METAP2: variants seen among roughly 807,000 people sequenced by gnomAD.
The protein encoded by METAP2 is methionyl aminopeptidase 2.
In METAP2, 25 loss-of-function variants were observed where a neutral mutation model predicts 59.4. The ratio of observed to expected loss-of-function variants is 0.42; its 90% CI spans 0.31 to 0.59. METAP2 has a LOEUF of 0.59. Ranked by LOEUF, METAP2 falls within the 20% of genes least tolerant of loss-of-function variation. The pLI is 0.16. For missense variants in METAP2, 366 were observed against 581.2 expected (o/e 0.63, Z 3.81); for synonymous variants, 214 against 194.1 (o/e 1.10, Z -0.85).
chr12:95,505,086 A>G (rs1191538843), intron 8 of METAP2, among the ~76,000 whole-genome samples: 2 of 152,128 alleles, frequency 1.3e-5, no homozygotes, highest in Admixed American at 6.5e-5. Context: ...ACTATTTTCT[A>G]TATTTCCTTT....
chr12:95,484,375 G>A (rs1232948309), intron 3 of METAP2, among the ~76,000 whole-genome samples: 3 of 151,106 alleles, frequency 2.0e-5, no homozygotes, highest in African/African-American at 7.3e-5. Context: ...TTGCATTCCA[G>A]GAATCTTCCA....
intron 3 of METAP2, chr12:95,484,781 A>G: frequency 2.3e-6 from 1 of 436,380 alleles, no homozygotes; most frequent in Non-Finnish European, 4.5e-6. Flanking sequence ...TCATCTCAGA[A>G]CCATTGTGAC....
chr12:95,478,260 C>CA (rs2076135101), intron 2 of METAP2, among the ~76,000 whole-genome samples: 1 of 152,158 alleles, frequency 6.6e-6, no homozygotes, highest in Non-Finnish European at 1.5e-5. Flanking sequence ...TTTCAGTAAT[C>CA]AGAGTCAGTC....
chr12:95,499,786 C>G (rs1305534716), intron 7 of METAP2, among the ~76,000 whole-genome samples: 1 of 152,090 alleles, frequency 6.6e-6, no homozygotes, highest in Non-Finnish European at 1.5e-5. Context: ...AGTTCCACAT[C>G]AGTAGGGAGG....
intron 8 of METAP2, among the ~76,000 whole-genome samples, chr12:95,509,020 A>G (rs1164431890): frequency 6.6e-6 from 1 of 152,182 alleles, no homozygotes; most frequent in African/African-American, 2.4e-5. Context: ...CATAGCACAA[A>G]CGGGCCATCA....
rs1168358460 is a variant in METAP2, at chr12:95,515,636, T to C, written c.*1732T>C. 1 of 152,226 alleles carries C rather than the reference T, an allele frequency of 6.6e-6. No homozygotes were observed. Among genetic ancestry groups the C allele is most frequent in the Non-Finnish European group, 1.5e-5 (1 of 68,036 alleles). The allele number at this position is 152,226 out of a possible 1,614,324, so 9.4% of individuals were successfully genotyped here. A position where few individuals can be genotyped will look rare whatever the true frequency, so the allele number is the denominator to read the frequency against. On this transcript the variant is annotated 3_prime_UTR_variant, in exon 11 of 11. Transcript: ENST00000323666. ...CTTCCCAGGTAACTGTTGGGAGCAA[T>C]GGCATCACTGTATGCCCTTGTAATG... is the stretch of plus-strand genomic sequence containing the variant.
At chr12:95,495,160 C>T in intron 6 of METAP2, 22 bp downstream of exon 6, 2 of 1,569,990 alleles carry the variant, frequency 1.3e-6, no homozygotes, top group Non-Finnish European at 1.7e-6. Flanking sequence ...CAGAAAATTC[C>T]TACCCCAGCC....
At chr12:95,474,848 G>A (rs1418608101) in intron 1 of METAP2, among the ~76,000 whole-genome samples, 2 of 152,086 alleles carry the variant, frequency 1.3e-5, no homozygotes, top group Non-Finnish European at 2.9e-5. Flanking sequence ...GCACTTTTGG[G>A]GTGTGTGTAC....
intron 3 of METAP2, among the ~76,000 whole-genome samples, chr12:95,483,711 A>G (rs1195758444): frequency 6.6e-6 from 1 of 152,114 alleles, no homozygotes; most frequent in Non-Finnish European, 1.5e-5. Flanking sequence ...TTTTACTGCA[A>G]GTTAGGGATG....
intron 7 of METAP2, among the ~76,000 whole-genome samples, chr12:95,498,952 G>T (rs1404624503): frequency 2.0e-5 from 3 of 151,792 alleles, no homozygotes; most frequent in African/African-American, 7.3e-5. Context: ...GGAGGTTGAG[G>T]CCTCAGTGAG....
intron 4 of METAP2, among the ~76,000 whole-genome samples, chr12:95,490,566 A>ATT (rs67031623): frequency 6.0e-4 from 62 of 102,748 alleles, no homozygotes; most frequent in Non-Finnish European, 1.0e-3. Flanking sequence ...TGAAGCCTGT[A>ATT]TTTTTTTTTT....
intron 2 of METAP2, among the ~76,000 whole-genome samples, chr12:95,478,818 T>C (rs2076139127): frequency 6.6e-6 from 1 of 152,170 alleles, no homozygotes; most frequent in African/African-American, 2.4e-5. Context: ...GGAACTATTT[T>C]GGGTTGGGGT....
At chr12:95,500,655 T>A (rs1326496889) in intron 7 of METAP2, among the ~76,000 whole-genome samples, 1 of 152,258 alleles carries the variant, frequency 6.6e-6, no homozygotes, top group Non-Finnish European at 1.5e-5. Context: ...ATGGTTATTT[T>A]TCTTCATTCT....
chr12:95,496,797 A>G (rs1409470243), intron 7 of METAP2, among the ~76,000 whole-genome samples: 1 of 143,474 alleles, frequency 7.0e-6, no homozygotes, highest in African/African-American at 2.6e-5. Context: ...ATTACATAAA[A>G]TTTACCATAT....
chr12:95,476,136 A>C lies in METAP2; in HGVS notation c.217A>C (p.Arg73=). ...GGATGAAGTAGCAAGACAGTTGGAAAGATCAGCATTGGAAGATAAAGAAAG... is the reference window on the plus strand; with the variant it reads ...GGATGAAGTAGCAAGACAGTTGGAACGATCAGCATTGGAAGATAAAGAAAG... The part of the protein sequence containing the change: ...SVDEVARQLE[R]SALEDKERDE... The change falls in exon 2 of 11, where the codon AGA becomes CGA. Residue 73 remains arginine, a synonymous_variant. Transcript: ENST00000323666. 2.5e-6 allele frequency: 4 copies of C among 1,612,330 alleles called. No individual in the cohort carries two copies. The highest frequency in any genetic ancestry group is 3.4e-6 in the Non-Finnish European group (4 of 1,179,090).
intron 2 of METAP2, among the ~76,000 whole-genome samples, chr12:95,479,312 A>G (rs1384744289): frequency 2.0e-5 from 3 of 152,222 alleles, no homozygotes; most frequent in Non-Finnish European, 4.4e-5. Flanking sequence ...GGAGACTTGC[A>G]TTCTGGGAGC....
chr12:95,506,532 C>T (rs2076361882), intron 8 of METAP2, among the ~76,000 whole-genome samples: 1 of 151,898 alleles, frequency 6.6e-6, no homozygotes, highest in South Asian at 2.1e-4. Flanking sequence ...ATCTCTTGAC[C>T]TCATGATCCG....
chr12:95,501,438 CCG>C (rs1319387009), intron 7 of METAP2, among the ~76,000 whole-genome samples: 4 of 152,130 alleles, frequency 2.6e-5, no homozygotes, highest in African/African-American at 9.7e-5. Flanking sequence ...ATAATTTTGG[CCG>C]CGCGCGGTGG....
intron 7 of METAP2, among the ~76,000 whole-genome samples, chr12:95,499,061 T>G (rs183296500): frequency 4.2e-4 from 64 of 152,242 alleles, no homozygotes; most frequent in African/African-American, 1.5e-3. Context: ...GAGGGTTTAT[T>G]TCTGGGCTGT....
Sources: allele counts gnomAD v4.1 joint callset (sites outside exome capture counted in the v4.1 genomes callset), GRCh38; gene constraint gnomAD v4.1.1; transcripts MANE v1.5; gene names NCBI Gene and HGNC (gene_info 2026-07-23, HGNC 2026-07-21).